CORO7: variants seen among roughly 807,000 people sequenced by gnomAD.
CORO7 encodes coronin-7.
CORO7 carries 107 observed loss-of-function variants against 126.6 expected under a neutral mutation model. That is an observed-to-expected ratio of 0.85 (90% CI 0.72 to 0.99). The LOEUF is 0.99. CORO7 is among the 50% of genes least tolerant of loss of function. The pLI is 0.00. For synonymous variants in CORO7, 603 were observed against 536.8 expected, an observed-to-expected ratio of 1.12 and a Z score of -1.70; for missense variants, 1,314 against 1,255.8, an observed-to-expected ratio of 1.05 and a Z score of -0.70.
chr16:4,360,131 C>T, intron 21 of CORO7, 147 bp downstream of exon 21: 1 of 930,164 alleles, frequency 1.1e-6, no homozygotes, highest in Non-Finnish European at 1.7e-6. Flanking sequence ...ACCCATCTAC[C>T]CACTCATCCA....
chr16:4,408,229 G>C lies in CORO7; in HGVS notation c.255C>G (p.Phe85Leu). The change falls in exon 4 of 28, where the codon TTC (phenylalanine) becomes TTG (leucine). Residue 85 changes from phenylalanine to leucine, a missense_variant. Coordinates refer to ENST00000251166, the MANE Select transcript of CORO7 (RefSeq NM_024535.5). ...CCAGGAGGAAGTCATCAAAGGGCGA[G>C]AAGTCCAAGTCGGTGACTAGGTCTG... Reference protein sequence around the residue: ...CHSDLVTDLDFSPFDDFLLAT... With the variant: ...CHSDLVTDLDLSPFDDFLLAT... 6.2e-7 allele frequency: 1 copy of C among 1,614,224 alleles called. No homozygotes were observed. The highest frequency in any genetic ancestry group is 8.5e-7 in the Non-Finnish European group (1 of 1,180,046).
intron 7 of CORO7, among the ~76,000 whole-genome samples, chr16:4,390,985 T>C (rs1407332291): frequency 1.3e-5 from 2 of 152,204 alleles, no homozygotes; most frequent in African/African-American, 2.4e-5. Flanking sequence ...GGTAAGAGCT[T>C]TGTCCGTGCC....
At chr16:4,405,594 C>A (rs367788034) in intron 5 of CORO7, 27 bp from the exon 6 acceptor site, 60 of 1,608,592 alleles carry the variant, frequency 3.7e-5, no homozygotes, top group Non-Finnish European at 5.0e-5. Context: ...ACAGTCAGGT[C>A]CCGGGCAGTG....
At position 4,416,466 on chromosome 16, in the gene CORO7, CG is replaced by C; in HGVS notation, c.52del (p.Arg18AlafsTer27). On this transcript the variant is annotated frameshift_variant, in exon 1 of 28. Transcript: ENST00000251166. LOFTEE classifies it high-confidence loss of function. ...TCCTCGGGCCGGACTCACCTCGCGGCGGGGCGGCCGAGCCTCGGTGTGCCGG... is the reference window on the plus strand; with the variant it reads ...TCCTCGGGCCGGACTCACCTCGCGGCGGGCGGCCGAGCCTCGGTGTGCCGG... Reference protein sequence around the residue: ...KFRHTEARPPRRESWISDIRA... With the variant: ...KFRHTEARPPXRESWISDIRA... 6.4e-7 allele frequency: 1 copy of C among 1,574,034 alleles called. No individual in the cohort carries two copies. Among genetic ancestry groups the C allele is most frequent in the African/African-American group, 1.4e-5 (1 of 70,924 alleles).
chr16:4,362,018 C>G lies in CORO7; in HGVS notation c.1545G>C (p.Leu515=), dbSNP rs555426539. 1.9e-6 allele frequency: 3 copies of G among 1,612,098 alleles called. No homozygotes were observed. In the African/African-American group the frequency reaches 4.0e-5, roughly 21 times the overall value. Residue 515 remains leucine, a synonymous_variant, in exon 16 of 28, where the codon CTG becomes CTC. Transcript: ENST00000251166. The surrounding 1 kb of genome is among the most constrained non-coding windows in gnomAD (Gnocchi z 5.3). ...CAGCCACCTGTCCCCCGCTGCTGAG[C>G]AGCGGCACGGCCACACGCAGCTTGT... ...CANKLRVAVP[L]LSSGGQVAVL...
chr16:4,360,851 TG>T (rs2054152107), intron 19 of CORO7, 91 bp downstream of exon 19: 2 of 1,505,078 alleles, frequency 1.3e-6, no homozygotes, highest in Non-Finnish European at 1.8e-6. Context: ...TCCTCACTGC[TG>T]GCCCCGCCAC....
In CORO7 at chr16:4,395,446, C is replaced by G. The variant is rs1375419855; in HGVS notation, c.565-107G>C. 65 of 1,467,416 alleles carry G rather than the reference C, an allele frequency of 4.4e-5. No homozygotes were observed. In the East Asian group the frequency reaches 1.5e-3, roughly 34 times the overall value. The allele number at this position is 1,467,416 out of a possible 1,614,324, so 90.9% of individuals were successfully genotyped here. On this transcript the variant is annotated intron_variant, in intron 6 of 27. Coordinates refer to ENST00000251166, the MANE Select transcript of CORO7 (RefSeq NM_024535.5). Reference sequence around the variant, plus strand: ...ACCCCCAGCTCTGAGCAGCCCATCCCCAGCACGCAGGGCTGCCATCACACA... The same window carrying G: ...ACCCCCAGCTCTGAGCAGCCCATCCGCAGCACGCAGGGCTGCCATCACACA...
chr16:4,402,968 G>A (rs2055866970), intron 6 of CORO7, among the ~76,000 whole-genome samples: 1 of 152,096 alleles, frequency 6.6e-6, no homozygotes, highest in Admixed American at 6.5e-5. Flanking sequence ...CACAGAGGCA[G>A]GACAGGAGTG....
Position 4,407,546 on chromosome 16 carries a change from T to G in CORO7, c.442A>C (p.Thr148Pro). ...SDGILVSAAG[T>P]TVKVWDAAKQ... ...GCTGCGTCCCAGACCTTCACAGTGG[T>G]GCCTGCTGCGCTCACCAGAATGCCG... The change falls in exon 5 of 28, where the codon ACC (threonine) becomes CCC (proline). Residue 148 changes from threonine (T) to proline (P), a missense_variant. Transcript: ENST00000251166. 1 of 1,580,376 alleles carries G rather than the reference T, an allele frequency of 6.3e-7. No individual in the cohort carries two copies. The highest frequency in any genetic ancestry group is 2.3e-5 in the East Asian group (1 of 42,864).
chr16:4,405,678 G>C lies in CORO7; in HGVS notation c.488-111C>G, dbSNP rs889301068. 10 of 1,295,954 alleles carry C rather than the reference G, an allele frequency of 7.7e-6. No individual in the cohort carries two copies. The Admixed American group carries it at 1.9e-4, about 24-fold the overall frequency. The allele number at this position is 1,295,954 out of a possible 1,614,324, so 80.3% of individuals were successfully genotyped here. On this transcript the variant is annotated intron_variant, in intron 5 of 27. Coordinates refer to ENST00000251166, the MANE Select transcript of CORO7 (RefSeq NM_024535.5). ...CAGAGCAAAGGCAGCAGCTACGAGG[G>C]TCCTTTTCAGCCAAGGGGGCAAGGG...
rs1596261368 is a variant in CORO7, at chr16:4,355,018, T to G, written c.*140A>C. 1.4e-5 allele frequency: 13 copies of G among 918,544 alleles called. No individual in the cohort carries two copies. Among genetic ancestry groups the G allele is most frequent in the Non-Finnish European group, 2.0e-5 (13 of 644,660 alleles). 56.9% of individuals were successfully genotyped at this position (918,544 alleles called of 1,614,324 possible). ...GGAACTGCCAGAGGCCCAGAGGATG[T>G]GGAAGTGCCCACGGGAAGGCAGGAG... On this transcript the variant is annotated 3_prime_UTR_variant, in exon 28 of 28. Coordinates refer to ENST00000251166, the MANE Select transcript of CORO7 (RefSeq NM_024535.5).
At chr16:4,415,288 C>A (rs1235939288) in intron 1 of CORO7, among the ~76,000 whole-genome samples, 2 of 152,198 alleles carry the variant, frequency 1.3e-5, no homozygotes, top group Non-Finnish European at 2.9e-5. Flanking sequence ...TCCATCCACT[C>A]ATGCTCACTT....
chr16:4,392,852 C>T (rs988215176), intron 7 of CORO7, among the ~76,000 whole-genome samples: 4 of 152,208 alleles, frequency 2.6e-5, no homozygotes, highest in African/African-American at 4.8e-5. Context: ...CACCAGGGCC[C>T]GAGCACAGGC....
At position 4,359,738 on chromosome 16, in the gene CORO7, G is replaced by A. The variant is rs2054098110; in HGVS notation, c.2109-117C>T. 10 of 1,326,716 alleles carry A rather than the reference G, an allele frequency of 7.5e-6. No homozygotes were observed. The South Asian group carries it at 1.5e-4, about 20-fold the overall frequency. The allele number at this position is 1,326,716 out of a possible 1,614,324, so 82.2% of individuals were successfully genotyped here. On this transcript the variant is annotated intron_variant, in intron 21 of 27. Transcript: ENST00000251166. Reference sequence around the variant, plus strand: ...TGGGTTGTAGGCGAGGCCTAGTGTGGCCCGGCACCGCAGCCACATCCTAAC... The same window carrying A: ...TGGGTTGTAGGCGAGGCCTAGTGTGACCCGGCACCGCAGCCACATCCTAAC...
At chr16:4,359,697 AG>A (rs975002774) in intron 21 of CORO7, 76 bp from the exon 22 acceptor site, 1 of 1,511,038 alleles carries the variant, frequency 6.6e-7, no homozygotes, top group African/African-American at 1.4e-5. Context: ...GCGCCCACGT[AG>A]CCCCTGCTCT....
chr16:4,413,270 T>A, intron 2 of CORO7, 38 bp downstream of exon 2: 1 of 1,543,668 alleles, frequency 6.5e-7, no homozygotes, highest in Non-Finnish European at 8.8e-7. Flanking sequence ...GATGACCGAA[T>A]ATGTGAGCAA....
At chr16:4,369,427 G>A (rs2141209275) in intron 9 of CORO7, among the ~76,000 whole-genome samples, 1 of 152,340 alleles carries the variant, frequency 6.6e-6, no homozygotes, top group African/African-American at 2.4e-5. Flanking sequence ...CTGGAATCTG[G>A]GCCTGCCACT....
intron 9 of CORO7, among the ~76,000 whole-genome samples, chr16:4,374,797 C>T (rs1289745795): frequency 6.6e-6 from 1 of 152,116 alleles, no homozygotes; most frequent in Non-Finnish European, 1.5e-5. Context: ...AGGGCAAGAC[C>T]CCTTCCAGGG....
At chr16:4,379,098 A>AG (rs2141238241) in intron 9 of CORO7, among the ~76,000 whole-genome samples, 1 of 152,014 alleles carries the variant, frequency 6.6e-6, no homozygotes, top group South Asian at 2.1e-4. Context: ...TACCTGGGGG[A>AG]GAGGGAGCCC....
Sources: gnomAD v4.1 joint callset for allele counts (sites outside exome capture counted in the v4.1 genomes callset) on GRCh38, gnomAD v4.1.1 for gene constraint, Gnocchi (gnomAD v3.1) non-coding constraint, MANE v1.5 for transcripts, NCBI Gene and HGNC (gene_info 2026-07-23, HGNC 2026-07-21) for gene names.